VPS8: variants seen among roughly 807,000 people sequenced by gnomAD.
The protein encoded by VPS8 is vacuolar protein sorting-associated protein 8 homolog.
VPS8 carries 129 observed loss-of-function variants against 216.4 expected under a neutral mutation model. That is an observed-to-expected ratio of 0.60 (90% CI 0.52 to 0.69). The LOEUF is 0.69. Ranked by LOEUF, VPS8 falls within the 30% of genes least tolerant of loss-of-function variation. The pLI is 0.00. For synonymous variants in VPS8, 571 were observed against 565.4 expected (o/e 1.01, Z -0.14); for missense variants, 1,531 against 1,683.5 (o/e 0.91, Z 1.59).
chr3:185,021,572 C>T (rs575138625), intron 45 of VPS8, among the ~76,000 whole-genome samples: 3 of 152,288 alleles, frequency 2.0e-5, no homozygotes, highest in South Asian at 4.1e-4. Flanking sequence ...TCATTTTTAG[C>T]AAGCTACATC....
intron 21 of VPS8, among the ~76,000 whole-genome samples, chr3:184,878,415 A>G (rs762685816): frequency 3.3e-5 from 5 of 152,178 alleles, no homozygotes; most frequent in African/African-American, 4.8e-5. Flanking sequence ...AACCTAAAAG[A>G]TCTTAATGAA....
In VPS8 at chr3:185,024,327, T is replaced by C; in HGVS notation, c.4003-9T>C. The C allele has an allele frequency of 6.3e-7, 1 of 1,582,382 alleles. No individual in the cohort carries two copies. Among genetic ancestry groups the C allele is most frequent in the Non-Finnish European group, 8.6e-7 (1 of 1,162,606 alleles). On this transcript the variant is annotated splice_polypyrimidine_tract_variant and intron_variant, in intron 45 of 47. Coordinates refer to ENST00000625842, the MANE Select transcript of VPS8 (RefSeq NM_001009921.3). ...AAAGGGTATTAAAATGTTTGCCTTT[T>C]TTTTCCAGGTAAAAATGTCTCCATC...
chr3:184,814,281 C>T (rs1715827965), intron 1 of VPS8, among the ~76,000 whole-genome samples: 1 of 152,252 alleles, frequency 6.6e-6, no homozygotes, highest in Non-Finnish European at 1.5e-5. Flanking sequence ...TTGTGTCTCT[C>T]TCCCTTTCTG....
In VPS8 at chr3:184,832,673, T is replaced by C; in HGVS notation, c.223-16T>C. The C allele has an allele frequency of 6.3e-7, 1 of 1,588,972 alleles. No individual in the cohort carries two copies. The highest frequency in any genetic ancestry group is 8.6e-7 in the Non-Finnish European group (1 of 1,165,664). ...TTTGGATTTTGAATGTATTGATTTATCTTCTTCCAATTTAGACTGATGATG... is the reference window on the plus strand; with the variant it reads ...TTTGGATTTTGAATGTATTGATTTACCTTCTTCCAATTTAGACTGATGATG... On this transcript the variant is annotated splice_polypyrimidine_tract_variant and intron_variant, in intron 3 of 47. Coordinates refer to ENST00000625842, the MANE Select transcript of VPS8 (RefSeq NM_001009921.3).
At chr3:184,913,442 T>C in intron 25 of VPS8, 77 bp from the exon 26 acceptor site, 1 of 1,297,572 alleles carries the variant, frequency 7.7e-7, no homozygotes, top group Non-Finnish European at 1.1e-6. Flanking sequence ...TTTTATTTTT[T>C]TGTTTCTACA....
chr3:185,014,742 C>T (rs780271389), intron 45 of VPS8, among the ~76,000 whole-genome samples: 8 of 152,142 alleles, frequency 5.3e-5, no homozygotes, highest in Non-Finnish European at 1.0e-4. Flanking sequence ...GAGATTCATT[C>T]TTTCCACTAT....
chr3:184,846,605 A>C (rs1723180712), intron 8 of VPS8, among the ~76,000 whole-genome samples: 1 of 152,250 alleles, frequency 6.6e-6, no homozygotes, highest in Admixed American at 6.5e-5. Context: ...TGAAGTTTGG[A>C]TCTCAAAGCA....
intron 28 of VPS8, 91 bp from the exon 29 acceptor site, chr3:184,920,036 A>T: frequency 1.1e-6 from 1 of 911,984 alleles, no homozygotes; most frequent in Non-Finnish European, 1.7e-6. Flanking sequence ...TTGAGAAATT[A>T]CTTGGATTTT....
intron 42 of VPS8, among the ~76,000 whole-genome samples, chr3:184,984,056 C>T (rs548815260): frequency 4.0e-5 from 6 of 150,148 alleles, no homozygotes; most frequent in Admixed American, 2.0e-4. Flanking sequence ...TGGTGGCAGG[C>T]GCCTGTAGTC....
intron 45 of VPS8, among the ~76,000 whole-genome samples, chr3:185,022,984 C>T (rs1018066542): frequency 6.6e-6 from 1 of 152,020 alleles, no homozygotes; most frequent in Admixed American, 6.6e-5. Context: ...TCTTTAAATG[C>T]TTTATTGAGG....
intron 1 of VPS8, among the ~76,000 whole-genome samples, chr3:184,821,970 A>T (rs1306327853): frequency 6.6e-6 from 1 of 152,166 alleles, no homozygotes; most frequent in Non-Finnish European, 1.5e-5. Context: ...CTACGAGAAC[A>T]CATGGTTTGA....
At chr3:184,822,810 C>T (rs1717887283) in intron 1 of VPS8, among the ~76,000 whole-genome samples, 1 of 152,108 alleles carries the variant, frequency 6.6e-6, no homozygotes, top group Non-Finnish European at 1.5e-5. Flanking sequence ...AAAAGGAGCC[C>T]TATATTTAGA....
chr3:184,874,966 G>A (rs1299277306), intron 21 of VPS8, among the ~76,000 whole-genome samples: 1 of 151,566 alleles, frequency 6.6e-6, no homozygotes, highest in Non-Finnish European at 1.5e-5. Context: ...ACCTACTTAT[G>A]ATGTAACAGC....
At chr3:184,961,681 T>C (rs776765528) in intron 37 of VPS8, among the ~76,000 whole-genome samples, 35 of 152,122 alleles carry the variant, frequency 2.3e-4, no homozygotes, top group Non-Finnish European at 4.6e-4. Flanking sequence ...TTTTAAAATT[T>C]CTATTAATAT....
chr3:184,909,261 C>G (rs1342084254), intron 25 of VPS8, among the ~76,000 whole-genome samples: 1 of 152,212 alleles, frequency 6.6e-6, no homozygotes, highest in Non-Finnish European at 1.5e-5. Flanking sequence ...TCCTGAGATT[C>G]AGGCATTTTT....
chr3:185,024,462 T>C, intron 46 of VPS8, 73 bp downstream of exon 46: 1 of 1,420,648 alleles, frequency 7.0e-7, no homozygotes, highest in East Asian at 2.5e-5. Context: ...AACAATATTC[T>C]CAACATGGCA....
At chr3:184,848,153 C>T (rs1458795501) in intron 8 of VPS8, among the ~76,000 whole-genome samples, 2 of 152,034 alleles carry the variant, frequency 1.3e-5, no homozygotes, top group South Asian at 2.1e-4. Context: ...CTCAAGTGAC[C>T]TTCCCTTCCT....
intron 21 of VPS8, among the ~76,000 whole-genome samples, chr3:184,871,211 A>G (rs1294855949): frequency 6.6e-6 from 1 of 151,406 alleles, no homozygotes; most frequent in African/African-American, 2.4e-5. Context: ...ACAAATATAT[A>G]TATATATATA....
intron 22 of VPS8, among the ~76,000 whole-genome samples, chr3:184,892,311 G>A (rs1732493109): frequency 6.6e-6 from 1 of 152,064 alleles, no homozygotes; most frequent in Non-Finnish European, 1.5e-5. Context: ...CTGTCTCCTG[G>A]GTTCAAGCAA....
Sources: gnomAD v4.1 joint callset for allele counts (sites outside exome capture counted in the v4.1 genomes callset) on GRCh38, gnomAD v4.1.1 for gene constraint, MANE v1.5 for transcripts, NCBI Gene and HGNC (gene_info 2026-07-23, HGNC 2026-07-21) for gene names.